Variants in HPSE2 observed in about 807,000 individuals in gnomAD.
The protein encoded by HPSE2 is heparanase 2 (inactive).
In HPSE2, 38 loss-of-function variants were observed where a neutral mutation model predicts 60.5. The observed-to-expected ratio is 0.63, with a 90% CI of 0.48 to 0.82. The LOEUF (loss-of-function observed/expected upper bound fraction) is 0.82, where lower values mean the gene tolerates loss of function less well. HPSE2 is among the 40% of genes least tolerant of loss of function. The pLI is 0.00. For synonymous variants in HPSE2, 295 were observed against 293.2 expected (o/e 1.01, Z -0.06); for missense variants, 713 against 740.4 (o/e 0.96, Z 0.43).
intron 3 of HPSE2, among the ~76,000 whole-genome samples, chr10:98,948,616 T>C (rs1955258729): frequency 6.6e-6 from 1 of 152,148 alleles, no homozygotes. Context: ...AAAAACATTT[T>C]TAGAGTAAAG....
the HPSE2 span, among the ~76,000 whole-genome samples, chr10:99,289,351 AT>A: frequency 2.2e-5 from 1 of 45,362 alleles, no homozygotes; most frequent in South Asian, 9.4e-4. Flanking sequence ...TGGAGACATC[AT>A]CTGTTTTTTT....
chr10:99,295,103 A>G, the HPSE2 span, among the ~76,000 whole-genome samples: 4 of 152,380 alleles, frequency 2.6e-5, no homozygotes, highest in African/African-American at 9.6e-5. Context: ...TTATCAGTGG[A>G]AAATTAACAG....
chr10:98,487,264 C>T (rs1256145059), intron 10 of HPSE2, among the ~76,000 whole-genome samples: 1 of 152,202 alleles, frequency 6.6e-6, no homozygotes, highest in Non-Finnish European at 1.5e-5. Context: ...AACAGAAAAG[C>T]ACCTGCTGGT....
At chr10:98,892,769 C>T (rs1280069128) in intron 3 of HPSE2, among the ~76,000 whole-genome samples, 5 of 152,162 alleles carry the variant, frequency 3.3e-5, no homozygotes, top group Admixed American at 3.3e-4. Flanking sequence ...ATCCCTGCAG[C>T]CAAGAATTGT....
chr10:98,804,479 T>C (rs1950994435), intron 3 of HPSE2, among the ~76,000 whole-genome samples: 1 of 151,990 alleles, frequency 6.6e-6, no homozygotes, highest in Non-Finnish European at 1.5e-5. Flanking sequence ...AAGACTTAAA[T>C]AGGCATTTCT....
rs114143459 is a variant in HPSE2 at position 98,917,223 on chromosome 10, A to G, written c.611-173167T>C. Reference sequence around the variant, plus strand: ...AAAATGGGAAGAATTTGAGAGGGAAACACTAACATTTTTAATAGAAACAAT... The same window carrying G: ...AAAATGGGAAGAATTTGAGAGGGAAGCACTAACATTTTTAATAGAAACAAT... On this transcript the variant is annotated intron_variant, in intron 3 of 11. Coordinates refer to ENST00000370552, the MANE Select transcript of HPSE2 (RefSeq NM_021828.5). Among the ~76,000 whole-genome samples, 1,075 of 152,316 alleles carry G rather than the reference A, an allele frequency of 7.1e-3. 8 individuals carry two copies. The highest frequency in any genetic ancestry group is 0.024 in the African/African-American group (1,008 of 41,552).
chr10:98,723,444 G>A (rs947303713), intron 4 of HPSE2, among the ~76,000 whole-genome samples: 1 of 152,098 alleles, frequency 6.6e-6, no homozygotes, highest in Non-Finnish European at 1.5e-5. Flanking sequence ...TCGTGTCTCT[G>A]CCAGGCTTTG....
At chr10:98,893,383 A>C (rs1466335808) in intron 3 of HPSE2, among the ~76,000 whole-genome samples, 3 of 152,178 alleles carry the variant, frequency 2.0e-5, no homozygotes, top group Non-Finnish European at 2.9e-5. Context: ...TTTCATTTTT[A>C]GAATAAGGCT....
At chr10:98,856,194 A>G (rs1952310800) in intron 3 of HPSE2, among the ~76,000 whole-genome samples, 1 of 152,156 alleles carries the variant, frequency 6.6e-6, no homozygotes, top group Non-Finnish European at 1.5e-5. Flanking sequence ...CAAAAAATTT[A>G]AGACAAACAA....
chr10:98,522,635 C>CGGCTA (rs963396414), intron 9 of HPSE2, among the ~76,000 whole-genome samples: 5 of 152,256 alleles, frequency 3.3e-5, no homozygotes, highest in Admixed American at 3.3e-4. Flanking sequence ...CCACAATGCC[C>CGGCTA]GGCTAATTTT....
chr10:98,536,232 AG>A (rs1449419881), intron 9 of HPSE2, among the ~76,000 whole-genome samples: 3 of 152,246 alleles, frequency 2.0e-5, no homozygotes, highest in Non-Finnish European at 4.4e-5. Flanking sequence ...TTGTTACAAA[AG>A]TAAAGGCTCA....
intron 6 of HPSE2, among the ~76,000 whole-genome samples, chr10:98,672,592 C>T (rs1424397072): frequency 1.3e-5 from 2 of 152,068 alleles, no homozygotes; most frequent in African/African-American, 2.4e-5. Context: ...AGTGCTTGGC[C>T]AATTCTCATC....
chr10:99,215,412 C>T (rs1400685598), intron 2 of HPSE2, among the ~76,000 whole-genome samples: 2 of 152,134 alleles, frequency 1.3e-5, no homozygotes, highest in Non-Finnish European at 2.9e-5. Flanking sequence ...AGCTGAACAA[C>T]GAGAACACAT....
chr10:98,751,401 A>T (rs1370913557), intron 3 of HPSE2, among the ~76,000 whole-genome samples: 1 of 152,180 alleles, frequency 6.6e-6, no homozygotes, highest in East Asian at 1.9e-4. Context: ...AAACATAGTT[A>T]ATTTGTTTTA....
chr10:99,163,412 A>G (rs185410297), intron 2 of HPSE2, among the ~76,000 whole-genome samples: 26 of 152,258 alleles, frequency 1.7e-4, no homozygotes, highest in Admixed American at 1.1e-3. Context: ...CTGCGATGAC[A>G]TTCTCCTTCC....
chr10:99,169,377 C>T (rs1242005064), intron 2 of HPSE2, among the ~76,000 whole-genome samples: 2 of 150,572 alleles, frequency 1.3e-5, no homozygotes, highest in African/African-American at 2.4e-5. Flanking sequence ...TGGTGGCATG[C>T]GCCTGTGGTC....
chr10:99,305,979 G>GCACGCACACACACACACACACACACA, the HPSE2 span, among the ~76,000 whole-genome samples: 114 of 80,578 alleles, frequency 1.4e-3, 1 homozygote, highest in African/African-American at 5.5e-3. Context: ...GCGCGCGCGC[G>GCACGCACACACACACACACACACACA]CACACACACA....
chr10:98,908,230 T>C (rs1953877583), intron 3 of HPSE2, among the ~76,000 whole-genome samples: 1 of 152,076 alleles, frequency 6.6e-6, no homozygotes, highest in East Asian at 1.9e-4. Flanking sequence ...AAGCAAAATG[T>C]GAAATAACAA....
intron 5 of HPSE2, among the ~76,000 whole-genome samples, chr10:98,712,815 G>T (rs1300291684): frequency 6.6e-6 from 1 of 152,066 alleles, no homozygotes; most frequent in Non-Finnish European, 1.5e-5. Context: ...TCTGTAGAAT[G>T]TTGGATTAAC....
Sources: gnomAD v4.1 joint callset for allele counts (sites outside exome capture counted in the v4.1 genomes callset) on GRCh38, gnomAD v4.1.1 for gene constraint, MANE v1.5 for transcripts, NCBI Gene and HGNC (gene_info 2026-07-23, HGNC 2026-07-21) for gene names.